Variants in MIA2 observed in about 807,000 individuals in gnomAD.
MIA2 encodes the protein MIA SH3 domain ER export factor 2.
Under a neutral mutation model 167.8 loss-of-function variants are expected in MIA2, and 127 were observed. That is an observed-to-expected ratio of 0.76 (90% confidence interval 0.66 to 0.88). The LOEUF is 0.88. Ranked by LOEUF, MIA2 falls within the 40% of genes least tolerant of loss-of-function variation. The pLI, the probability that MIA2 is intolerant of heterozygous loss-of-function variation, is 0.00. For synonymous variants in MIA2, 552 were observed against 541.9 expected (o/e 1.02, Z -0.26); for missense variants, 1,690 against 1,624.7 (o/e 1.04, Z -0.69).
At chr14:39,274,075 T>C (rs2057571044) in intron 6 of MIA2, among the ~76,000 whole-genome samples, 2 of 152,226 alleles carry the variant, frequency 1.3e-5, no homozygotes, top group Admixed American at 1.3e-4. Flanking sequence ...ACCTGATTAA[T>C]TGATTTTTTT....
chr14:39,348,674 C>A, intron 27 of MIA2, 69 bp from the exon 28 acceptor site: 1 of 1,579,304 alleles, frequency 6.3e-7, no homozygotes, highest in Admixed American at 1.7e-5. Flanking sequence ...TTCTTCTAAG[C>A]CTGAGATTTT....
intron 4 of MIA2, among the ~76,000 whole-genome samples, chr14:39,251,752 T>A (rs760648024): frequency 6.6e-6 from 1 of 152,178 alleles, no homozygotes; most frequent in African/African-American, 2.4e-5. Flanking sequence ...GGGACTTTCA[T>A]CTTTTAAACA....
At chr14:39,281,351 T>TA (rs1296106955) in intron 9 of MIA2, among the ~76,000 whole-genome samples, 6 of 152,194 alleles carry the variant, frequency 3.9e-5, no homozygotes, top group Non-Finnish European at 5.9e-5. Flanking sequence ...ATCTGTCTCT[T>TA]ACGTTCTTTT....
At chr14:39,334,995 AT>A (rs1459975510) in intron 25 of MIA2, among the ~76,000 whole-genome samples, 76 of 152,212 alleles carry the variant, frequency 5.0e-4, no homozygotes, top group African/African-American at 1.6e-3. Flanking sequence ...CATGCCTGTA[AT>A]CCTAGCACTT....
At chr14:39,236,737 G>C (rs1328322932) in intron 1 of MIA2, among the ~76,000 whole-genome samples, 185 bp from the exon 2 acceptor site, 3 of 152,174 alleles carry the variant, frequency 2.0e-5, no homozygotes, top group East Asian at 1.9e-4. Context: ...TTGGATACCA[G>C]GCCCAGAGGC....
chr14:39,341,624 A>C (rs531594830), intron 25 of MIA2, among the ~76,000 whole-genome samples: 1 of 152,280 alleles, frequency 6.6e-6, no homozygotes, highest in African/African-American at 2.4e-5. Flanking sequence ...CAAGATCATC[A>C]GCTGAAGCAG....
At chr14:39,307,746 A>G (rs1248808563) in intron 17 of MIA2, among the ~76,000 whole-genome samples, 1 of 152,022 alleles carries the variant, frequency 6.6e-6, no homozygotes, top group Non-Finnish European at 1.5e-5. Context: ...ATATTAATGC[A>G]CTCAATGGAG....
chr14:39,328,698 C>G (rs896223330), intron 25 of MIA2, among the ~76,000 whole-genome samples: 2 of 152,114 alleles, frequency 1.3e-5, no homozygotes, highest in Non-Finnish European at 2.9e-5. Context: ...AGCCATTTTT[C>G]CGAACGCAAT....
chr14:39,288,432 CATATATATATATAT>C (rs759995143), intron 9 of MIA2, among the ~76,000 whole-genome samples: 151 of 52,656 alleles, frequency 2.9e-3, no homozygotes, highest in Middle Eastern at 0.013. Context: ...ATATATTATA[CATATATATATATAT>C]ATATATATAT....
chr14:39,373,603 C>G (rs1276263001), intron 23 of MIA2, among the ~76,000 whole-genome samples: 1 of 152,054 alleles, frequency 6.6e-6, no homozygotes, highest in Non-Finnish European at 1.5e-5. Flanking sequence ...GGTGGATCAC[C>G]TGAGGTCAGG....
At chr14:39,294,436 G>T (rs1403955040) in intron 12 of MIA2, among the ~76,000 whole-genome samples, 2 of 151,354 alleles carry the variant, frequency 1.3e-5, no homozygotes, top group South Asian at 2.1e-4. Context: ...GAGCTCAAGT[G>T]ATCGGCCCAC....
At chr14:39,255,477 C>A (rs2152643458) in intron 6 of MIA2, among the ~76,000 whole-genome samples, 1 of 152,308 alleles carries the variant, frequency 6.6e-6, no homozygotes, top group African/African-American at 2.4e-5. Context: ...CACTGCACTC[C>A]AGCCTGGGCC....
chr14:39,357,388 T>G (rs898597933), intron 23 of MIA2, among the ~76,000 whole-genome samples: 2 of 152,232 alleles, frequency 1.3e-5, no homozygotes, highest in East Asian at 1.9e-4. Context: ...TGCCTTTTTT[T>G]GTTTTCCATT....
At chr14:39,252,599 A>G in intron 4 of MIA2, 149 bp from the exon 5 acceptor site, 1 of 606,320 alleles carries the variant, frequency 1.6e-6, no homozygotes, top group Non-Finnish European at 2.9e-6. Context: ...AATACAGGAT[A>G]CAATTTATGT....
At chr14:39,329,178 T>G (rs1456645728) in intron 25 of MIA2, among the ~76,000 whole-genome samples, 1 of 152,202 alleles carries the variant, frequency 6.6e-6, no homozygotes, top group Admixed American at 6.5e-5. Flanking sequence ...AAGAGGTCCT[T>G]CACATCCCTT....
chr14:39,291,363 A>G (rs1033927185), intron 10 of MIA2, among the ~76,000 whole-genome samples: 2 of 152,222 alleles, frequency 1.3e-5, no homozygotes, highest in African/African-American at 4.8e-5. Context: ...GCTGTATAGA[A>G]ACTTCGTTCT....
chr14:39,313,511 A>G, intron 19 of MIA2, 70 bp downstream of exon 19: 1 of 812,450 alleles, frequency 1.2e-6, no homozygotes, highest in Non-Finnish European at 2.0e-6. Context: ...ATGCCAGAAA[A>G]ATAATAAATC....
intron 18 of MIA2, among the ~76,000 whole-genome samples, chr14:39,310,133 A>G (rs1029182310): frequency 6.6e-6 from 1 of 152,166 alleles, no homozygotes; most frequent in Non-Finnish European, 1.5e-5. Context: ...CCATTCATGG[A>G]CATATTCAGA....
chr14:39,317,921 T>A (rs774693335), intron 21 of MIA2, 23 bp from the exon 22 acceptor site: 2 of 1,515,828 alleles, frequency 1.3e-6, no homozygotes, highest in Non-Finnish European at 1.8e-6. Flanking sequence ...AATATATTTT[T>A]AAAATGTGTT....
Sources: allele counts gnomAD v4.1 joint callset (sites outside exome capture counted in the v4.1 genomes callset), GRCh38; gene constraint gnomAD v4.1.1; transcripts MANE v1.5; gene names NCBI Gene and HGNC (gene_info 2026-07-23, HGNC 2026-07-21).